The following STEAP1B variants were observed in gnomAD, a reference collection of about 807,000 sequenced individuals.
STEAP1B encodes STEAP family protein MGC87042.
A neutral mutation model predicts 27.9 loss-of-function variants in STEAP1B; 13 were observed. That is an observed-to-expected ratio of 0.47 (90% CI 0.30 to 0.74). The LOEUF (loss-of-function observed/expected upper bound fraction) is 0.74, where lower values mean the gene tolerates loss of function less well. Among genes scored for constraint, STEAP1B ranks in the 30% least tolerant of loss-of-function variants. The pLI, the probability that STEAP1B is intolerant of heterozygous loss-of-function variation, is 0.06. For synonymous variants in STEAP1B, 86 were observed against 107.1 expected (o/e 0.80, Z 1.22); for missense variants, 250 against 298.7 (o/e 0.84, Z 1.20).
intron 4 of STEAP1B, among the ~76,000 whole-genome samples, chr7:22,422,444 C>T (rs920107636): frequency 6.6e-6 from 1 of 151,970 alleles, no homozygotes; most frequent in African/African-American, 2.4e-5. Context: ...AACAACGTCA[C>T]TGGAATATGC....
chr7:22,419,625 C>T lies in STEAP1B; in HGVS notation c.*179G>A, dbSNP rs761250375. ...CTTTTTGTTTGCTCTCTCATGAGTCCGCTGGGGGATCCACTCATCTGCCCT... is the reference window on the plus strand; with the variant it reads ...CTTTTTGTTTGCTCTCTCATGAGTCTGCTGGGGGATCCACTCATCTGCCCT... On this transcript the variant is annotated 3_prime_UTR_variant, in exon 5 of 5. Transcript: ENST00000678116. The T allele has an allele frequency of 2.9e-5, 16 of 555,614 alleles. No homozygotes were observed. The highest frequency in any genetic ancestry group is 4.5e-5 in the Non-Finnish European group (15 of 329,914). 34.4% of individuals were successfully genotyped at this position (555,614 alleles called of 1,614,324 possible).
rs563467764 is a variant in STEAP1B at position 22,491,724 on chromosome 7, G to A, written c.762+841C>T. Among the ~76,000 whole-genome samples the A allele has an allele frequency of 2.0e-5, 3 of 152,284 alleles. No individual in the cohort carries two copies. In the South Asian group the frequency reaches 6.2e-4, roughly 32 times the overall value. On this transcript the variant is annotated intron_variant, in intron 4 of 4. Transcript: ENST00000678116. The stretch of plus-strand genomic sequence containing the variant: ...TGATTAGACCAGAAGAATCTGGGTT[G>A]AGATTATAGAAAAGTGTGAATGCCA...
chr7:22,433,679 G>A (rs924597830), intron 4 of STEAP1B, among the ~76,000 whole-genome samples: 4 of 152,140 alleles, frequency 2.6e-5, no homozygotes, highest in Non-Finnish European at 4.4e-5. Flanking sequence ...ATTAGGAAGC[G>A]TATATTGGAA....
chr7:22,449,650 G>A (rs1785456572), intron 4 of STEAP1B, among the ~76,000 whole-genome samples: 2 of 152,102 alleles, frequency 1.3e-5, no homozygotes, highest in Admixed American at 1.3e-4. Flanking sequence ...CTTTCTTTTG[G>A]GTATATACCC....
At chr7:22,456,515 T>C (rs1024881653) in intron 4 of STEAP1B, among the ~76,000 whole-genome samples, 14 of 152,316 alleles carry the variant, frequency 9.2e-5, no homozygotes, top group African/African-American at 2.9e-4. Flanking sequence ...ATGTACTCAG[T>C]GAATGTTCCT....
chr7:22,419,859 G>C, intron 4 of STEAP1B, 23 bp from the exon 5 acceptor site: 1 of 1,548,650 alleles, frequency 6.5e-7, no homozygotes, highest in East Asian at 2.5e-5. Context: ...CAGCAAGAAA[G>C]AGTTGATGTA....
At chr7:22,471,278 A>C (rs1392281480) in intron 4 of STEAP1B, among the ~76,000 whole-genome samples, 1 of 152,172 alleles carries the variant, frequency 6.6e-6, no homozygotes, top group African/African-American at 2.4e-5. Flanking sequence ...ATTCTGAGGA[A>C]AGTGACGCAG....
intron 4 of STEAP1B, among the ~76,000 whole-genome samples, chr7:22,430,591 T>C (rs989302984): frequency 2.6e-5 from 4 of 152,236 alleles, no homozygotes; most frequent in African/African-American, 9.6e-5. Context: ...CTGGCTTGGT[T>C]CTGACTGGAA....
chr7:22,423,033 G>A (rs1785063274), intron 4 of STEAP1B, among the ~76,000 whole-genome samples: 1 of 152,198 alleles, frequency 6.6e-6, no homozygotes, highest in Admixed American at 6.5e-5. Context: ...AATGGGATAA[G>A]GGGAAATTAT....
chr7:22,437,269 C>T (rs553068858), intron 4 of STEAP1B, among the ~76,000 whole-genome samples: 67 of 152,300 alleles, frequency 4.4e-4, no homozygotes, highest in African/African-American at 1.6e-3. Flanking sequence ...TCCTCCTCTC[C>T]CTCGTTCCTA....
chr7:22,456,888 C>T (rs986615261), intron 4 of STEAP1B, among the ~76,000 whole-genome samples: 8 of 144,388 alleles, frequency 5.5e-5, no homozygotes, highest in East Asian at 2.0e-4. Context: ...AGCCCAGCTG[C>T]GTGTAAGATT....
chr7:22,492,750 A>G (rs779605347), intron 3 of STEAP1B, 21 bp from the exon 4 acceptor site: 2 of 1,574,610 alleles, frequency 1.3e-6, no homozygotes, highest in African/African-American at 2.7e-5. Flanking sequence ...GTAAATAAAG[A>G]AAGAAGAAAT....
intron 1 of STEAP1B, chr7:22,495,412 G>A (rs1786422515): frequency 6.6e-6 from 1 of 152,242 alleles, no homozygotes; most frequent in Non-Finnish European, 1.5e-5. Flanking sequence ...GATGTGAATT[G>A]CCAGTATGTT....
At chr7:22,462,009 A>G (rs557376981) in intron 4 of STEAP1B, among the ~76,000 whole-genome samples, 41 of 152,296 alleles carry the variant, frequency 2.7e-4, no homozygotes, top group African/African-American at 9.9e-4. Flanking sequence ...TGCTCTACTA[A>G]TGGCCAAAAC....
chr7:22,489,036 A>C (rs1158471115), intron 4 of STEAP1B, among the ~76,000 whole-genome samples: 1 of 152,176 alleles, frequency 6.6e-6, no homozygotes, highest in Non-Finnish European at 1.5e-5. Flanking sequence ...GAAGAGTCAC[A>C]GAGCAGGCAA....
At position 22,419,722 on chromosome 7, in the gene STEAP1B, T is replaced by C. The variant is rs1785021486; in HGVS notation, c.*82A>G. 7 of 1,461,324 alleles carry C rather than the reference T, an allele frequency of 4.8e-6. No homozygotes were observed. Among genetic ancestry groups the C allele is most frequent in the Non-Finnish European group, 6.4e-6 (7 of 1,087,946 alleles). The allele number at this position is 1,461,324 out of a possible 1,614,324, so 90.5% of individuals were successfully genotyped here. A position where few individuals can be genotyped will look rare whatever the true frequency, so the allele number is the denominator to read the frequency against. Reference sequence around the variant, plus strand: ...TCATTGTGGCAGAGGGAAAGGGCACTGGGTGGTGTTCTGCATGAGCAATCC... The same window carrying C: ...TCATTGTGGCAGAGGGAAAGGGCACCGGGTGGTGTTCTGCATGAGCAATCC... On this transcript the variant is annotated 3_prime_UTR_variant, in exon 5 of 5. Coordinates refer to ENST00000678116, the MANE Select transcript of STEAP1B (RefSeq NM_001382447.1).
chr7:22,444,238 C>T (rs536995644), intron 4 of STEAP1B, among the ~76,000 whole-genome samples: 298 of 152,272 alleles, frequency 2.0e-3, no homozygotes, highest in African/African-American at 6.9e-3. Context: ...CCTGTACCTC[C>T]CTCATTGGGC....
intron 4 of STEAP1B, among the ~76,000 whole-genome samples, chr7:22,449,789 G>A (rs1388685056): frequency 4.6e-5 from 7 of 152,082 alleles, no homozygotes; most frequent in African/African-American, 1.4e-4. Context: ...GCTTTTCTCC[G>A]TATCTTTGCC....
rs781103111 is a variant in STEAP1B at position 22,492,649 on chromosome 7, TC to T, written c.677del (p.Gly226AspfsTer10). The T allele has an allele frequency of 1.9e-6, 3 of 1,613,432 alleles. No homozygotes were observed. The African/African-American group carries it at 4.0e-5, about 22-fold the overall frequency. ...CAGCCAACAGAGCCAGTATTGCCAG[TC>T]CCACAATTCCCAGAGACACATAAAT... ...MEIYVSLGIV[G>X]LAILALLAVT... On this transcript the variant is annotated frameshift_variant, in exon 4 of 5. Coordinates refer to ENST00000678116, the MANE Select transcript of STEAP1B (RefSeq NM_001382447.1). LOFTEE classifies it high-confidence loss of function.
Sources: gnomAD v4.1 joint callset for allele counts (sites outside exome capture counted in the v4.1 genomes callset) on GRCh38, gnomAD v4.1.1 for gene constraint, MANE v1.5 for transcripts, NCBI Gene and HGNC (gene_info 2026-07-23, HGNC 2026-07-21) for gene names.